Variants in ZNF609 observed in about 807,000 individuals in gnomAD.
ZNF609 encodes zinc finger protein 609.
ZNF609 carries 11 observed loss-of-function variants against 109.5 expected under a neutral mutation model. The ratio of observed to expected loss-of-function variants is 0.10; its 90% CI spans 0.06 to 0.17. The LOEUF is 0.17. ZNF609 is among the 10% of genes least tolerant of loss of function. The pLI is 1.00. For synonymous variants in ZNF609, 646 were observed against 662.0 expected, an observed-to-expected ratio of 0.98 and a Z score of 0.37; for missense variants, 1,559 against 1,772.4, an observed-to-expected ratio of 0.88 and a Z score of 2.16.
chr15:64,493,363 G>A lies in ZNF609; in HGVS notation c.-127-5930G>A, dbSNP rs79986432. Among the ~76,000 whole-genome samples, 1,291 of 152,216 alleles carry A rather than the reference G, an allele frequency of 8.5e-3. 20 individuals are homozygous for A. Among genetic ancestry groups the A allele is most frequent in the African/African-American group, 0.03 (1,241 of 41,532 alleles). On this transcript the variant is annotated intron_variant, in intron 1 of 9. Transcript: ENST00000326648. ...GAGGTAGAAGAGTTGTATGGTCTGT[G>A]ACATAAGTCCTTAAAATTGCAATTA... is the stretch of plus-strand genomic sequence containing the variant.
At chr15:64,497,313 T>G (rs889002551) in intron 1 of ZNF609, among the ~76,000 whole-genome samples, 1 of 152,212 alleles carries the variant, frequency 6.6e-6, no homozygotes, top group Non-Finnish European at 1.5e-5. Context: ...GGATATATTT[T>G]CTTCCCACAT....
Position 64,542,565 on chromosome 15 carries a change from G to A in ZNF609, c.747+42399G>A, listed in dbSNP as rs563012002. ...TTACATTCATTATATTTTAATCAGT[G>A]CATCCAAAGTTTTCATTGTTCAACC... On this transcript the variant is annotated intron_variant, in intron 2 of 9. Coordinates refer to ENST00000326648, the MANE Select transcript of ZNF609 (RefSeq NM_015042.2). Among the ~76,000 whole-genome samples, 6 of 152,212 alleles carry A rather than the reference G, an allele frequency of 3.9e-5. No homozygotes were observed. In the East Asian group the frequency reaches 1.2e-3, roughly 29 times the overall value.
chr15:64,618,312 G>C (rs2140968411), intron 2 of ZNF609, among the ~76,000 whole-genome samples: 1 of 152,252 alleles, frequency 6.6e-6, no homozygotes, highest in South Asian at 2.1e-4. Context: ...CTGCCCTGCT[G>C]CTCAGACCTG....
chr15:64,646,651 A>C (rs986909334), intron 3 of ZNF609, among the ~76,000 whole-genome samples: 4 of 147,078 alleles, frequency 2.7e-5, no homozygotes, highest in Admixed American at 1.4e-4. Flanking sequence ...AAAAAAAAAA[A>C]AAAAAAACTG....
chr15:64,523,480 T>C (rs963588849), intron 2 of ZNF609, among the ~76,000 whole-genome samples: 4 of 152,038 alleles, frequency 2.6e-5, no homozygotes, highest in Non-Finnish European at 5.9e-5. Flanking sequence ...TCTTTGAAAA[T>C]CTGCTATATT....
intron 3 of ZNF609, among the ~76,000 whole-genome samples, chr15:64,657,347 G>A (rs1434931084): frequency 2.6e-5 from 4 of 152,036 alleles, no homozygotes; most frequent in African/African-American, 9.7e-5. Flanking sequence ...CGTGCATGGT[G>A]GCTCACACCT....
intron 2 of ZNF609, among the ~76,000 whole-genome samples, chr15:64,560,271 C>T (rs897771745): frequency 6.6e-6 from 1 of 152,096 alleles, no homozygotes; most frequent in Non-Finnish European, 1.5e-5. Context: ...TGGTCTTGAT[C>T]TCTTGACCTC....
intron 3 of ZNF609, among the ~76,000 whole-genome samples, chr15:64,666,822 A>G (rs1175475532): frequency 1.3e-5 from 2 of 151,320 alleles, no homozygotes; most frequent in Admixed American, 1.3e-4. Flanking sequence ...GCTTAATCCT[A>G]TATTTTTAAA....
Position 64,684,436 on chromosome 15 carries a change from T to C in ZNF609, c.*2750T>C, listed in dbSNP as rs984896431. The C allele has an allele frequency of 2.0e-5, 3 of 152,292 alleles. No homozygotes were observed. The highest frequency in any genetic ancestry group is 4.4e-5 in the Non-Finnish European group (3 of 68,092). 9.4% of individuals were successfully genotyped at this position (152,292 alleles called of 1,614,324 possible). A position where few individuals can be genotyped will look rare whatever the true frequency, so the allele number is the denominator to read the frequency against. On this transcript the variant is annotated 3_prime_UTR_variant, in exon 10 of 10. Transcript: ENST00000326648. ...AGAGGGAGGGGGCCTCATCCCCAGA[T>C]AGATCAGGCAAGGCTTGGAGAGCTG...
chr15:64,624,302 A>G (rs1193283116), intron 3 of ZNF609, among the ~76,000 whole-genome samples: 1 of 152,202 alleles, frequency 6.6e-6, no homozygotes, highest in Non-Finnish European at 1.5e-5. Flanking sequence ...TGTGTATACA[A>G]TATACAATCT....
intron 1 of ZNF609, among the ~76,000 whole-genome samples, chr15:64,482,211 A>G (rs1893264331): frequency 6.6e-6 from 1 of 152,256 alleles, no homozygotes; most frequent in African/African-American, 2.4e-5. Flanking sequence ...ATTTCTTTCC[A>G]ACCAGATTAA....
intron 4 of ZNF609, among the ~76,000 whole-genome samples, chr15:64,672,645 T>C (rs2141013252): frequency 7.1e-6 from 1 of 141,684 alleles, no homozygotes; most frequent in Non-Finnish European, 1.5e-5. Context: ...AAAGACTATA[T>C]TCAGACCATA....
At chr15:64,544,525 G>A (rs1235093638) in intron 2 of ZNF609, among the ~76,000 whole-genome samples, 1 of 152,198 alleles carries the variant, frequency 6.6e-6, no homozygotes, top group African/African-American at 2.4e-5. Context: ...TTGGCTCACA[G>A]TGTCAACCAG....
chr15:64,575,390 C>A (rs768102587), intron 2 of ZNF609, among the ~76,000 whole-genome samples: 1 of 149,368 alleles, frequency 6.7e-6, no homozygotes, highest in African/African-American at 2.5e-5. Flanking sequence ...CACCATTGCA[C>A]TCCAGCCTGG....
Position 64,619,146 on chromosome 15 carries a change from GTTGTTT to G in ZNF609, c.748-3660_748-3655del, listed in dbSNP as rs564908906. Among the ~76,000 whole-genome samples, 420 of 152,256 alleles carry G rather than the reference GTTGTTT, an allele frequency of 2.8e-3. 1 individual carries two copies. Among genetic ancestry groups the G allele is most frequent in the Middle Eastern group, 0.017 (5 of 294 alleles). On this transcript the variant is annotated intron_variant, in intron 2 of 9. Transcript: ENST00000326648. ...AGGTGTGTGCCAACACACCCAGCTA[GTTGTTT>G]TTGTTTTTGTTTTTGTTTTTAATTT... is the stretch of plus-strand genomic sequence containing the variant.
At chr15:64,520,200 TCAA>T (rs1051134208) in intron 2 of ZNF609, among the ~76,000 whole-genome samples, 1 of 152,142 alleles carries the variant, frequency 6.6e-6, no homozygotes, top group Non-Finnish European at 1.5e-5. Context: ...CCAGGATTTT[TCAA>T]CAACAACACT....
chr15:64,550,862 A>G (rs1424523216), intron 2 of ZNF609, among the ~76,000 whole-genome samples: 3 of 151,118 alleles, frequency 2.0e-5, no homozygotes, highest in African/African-American at 7.3e-5. Context: ...AAAAAGAAAC[A>G]TGATTTGCAA....
chr15:64,564,304 G>C (rs1216663896), intron 2 of ZNF609, among the ~76,000 whole-genome samples: 1 of 152,042 alleles, frequency 6.6e-6, no homozygotes, highest in African/African-American at 2.4e-5. Context: ...TTAAGGGTAG[G>C]GGGGACTACT....
intron 3 of ZNF609, among the ~76,000 whole-genome samples, chr15:64,648,302 A>G (rs1896364960): frequency 6.6e-6 from 1 of 152,210 alleles, no homozygotes; most frequent in Non-Finnish European, 1.5e-5. Context: ...ACTGGGCAAC[A>G]TAGCAAAACC....
Sources: allele counts gnomAD v4.1 joint callset (sites outside exome capture counted in the v4.1 genomes callset), GRCh38; gene constraint gnomAD v4.1.1; transcripts MANE v1.5; gene names NCBI Gene and HGNC (gene_info 2026-07-23, HGNC 2026-07-21).